Variants in SHC2 observed in about 807,000 individuals in gnomAD.
SHC2 encodes SHC adaptor protein 2, also known as SHC-transforming protein 2.
A neutral mutation model predicts 60.6 loss-of-function variants in SHC2; 62 were observed. The ratio of observed to expected loss-of-function variants is 1.02; its 90% CI spans 0.83 to 1.26. The LOEUF (loss-of-function observed/expected upper bound fraction) is 1.26. Among genes scored for constraint, SHC2 ranks in the 50% most tolerant of loss-of-function variants. The pLI is 0.00. For synonymous variants in SHC2, 375 were observed against 372.4 expected (o/e 1.01, Z -0.08); for missense variants, 873 against 822.2 (o/e 1.06, Z -0.76).
intron 1 of SHC2, 137 bp downstream of exon 1, chr19:460,392 G>T (rs1200190575): frequency 8.7e-6 from 3 of 343,830 alleles, no homozygotes; most frequent in African/African-American, 6.6e-5. Flanking sequence ...GGCCGGGGAT[G>T]GGGGTCCGGG....
chr19:419,304 C>T (rs1033995428), intron 11 of SHC2: 9 of 456,924 alleles, frequency 2.0e-5, no homozygotes, highest in Admixed American at 3.6e-5. Context: ...AAGGTGACCG[C>T]GGGAAGATGC....
intron 1 of SHC2, among the ~76,000 whole-genome samples, chr19:448,595 G>A (rs183201171): frequency 1.0e-3 from 156 of 152,208 alleles, no homozygotes; most frequent in African/African-American, 3.5e-3. Context: ...GGGGAACACC[G>A]TTCGCCCCAG....
rs1282324456 is a variant in SHC2 at position 436,404 on chromosome 19, C to A, written c.802G>T (p.Ala268Ser). The change falls in exon 6 of 13, where the codon GCC (alanine) becomes TCC (serine). Residue 268 changes from alanine to serine, a missense_variant. By Grantham distance (99) the Ala-to-Ser change is moderately conservative. Transcript: ENST00000264554. ...TDMTDYVAYV[A>S]KDPINQRACH... ...CCTCTCTGGTTGATGGGGTCCTTGG[C>A]GACGTAGGCCACGTAATCCGTCATG... 3 of 1,593,358 alleles carry A rather than the reference C, an allele frequency of 1.9e-6. No individual in the cohort carries two copies. Among genetic ancestry groups the A allele is most frequent in the African/African-American group, 1.3e-5 (1 of 74,360 alleles).
chr19:431,282 G>A (rs1297594876), intron 8 of SHC2, among the ~76,000 whole-genome samples: 16 of 148,536 alleles, frequency 1.1e-4, no homozygotes, highest in Admixed American at 5.3e-4. Flanking sequence ...GCGCTTCATC[G>A]TGAGTGAGAT....
chr19:424,838 C>T lies in SHC2; in HGVS notation c.1309+259G>A, dbSNP rs924653375. Among the ~76,000 whole-genome samples, 1 of 152,162 alleles carries T rather than the reference C, an allele frequency of 6.6e-6. No individual in the cohort carries two copies. The highest frequency in any genetic ancestry group is 1.5e-5 in the Non-Finnish European group (1 of 68,028). On this transcript the variant is annotated intron_variant, in intron 10 of 12. Transcript: ENST00000264554. This position sits in a 1 kb window ranked among gnomAD's most constrained non-coding sequence, Gnocchi z 4.5. Reference sequence around the variant, plus strand: ...ACCCATTACACTGCTCGGCCGCATTCGCTAGAGAGAATGGGCCTCCCCTGT... The same window carrying T: ...ACCCATTACACTGCTCGGCCGCATTTGCTAGAGAGAATGGGCCTCCCCTGT...
chr19:448,999 AAAATAC>A (rs1317133993), intron 1 of SHC2, among the ~76,000 whole-genome samples: 2 of 137,292 alleles, frequency 1.5e-5, no homozygotes, highest in African/African-American at 7.2e-5. Flanking sequence ...CAAAAAAAAA[AAAATAC>A]AAAAATACAA....
Position 425,274 on chromosome 19 carries a change from G to A in SHC2, c.1175-43C>T, listed in dbSNP as rs550170157. 13 of 1,307,080 alleles carry A rather than the reference G, an allele frequency of 9.9e-6. No homozygotes were observed. The highest frequency in any genetic ancestry group is 9.0e-5 in the African/African-American group (6 of 66,360). 81.0% of individuals were successfully genotyped at this position (1,307,080 alleles called of 1,614,324 possible). A position where few individuals can be genotyped will look rare whatever the true frequency, so the allele number is the denominator to read the frequency against. On this transcript the variant is annotated intron_variant, in intron 9 of 12. Coordinates refer to ENST00000264554, the MANE Select transcript of SHC2 (RefSeq NM_012435.3). This position sits in a 1 kb window ranked among gnomAD's most constrained non-coding sequence, Gnocchi z 4.1. ...GGGCAGGGGGTCAGCTGGGAGCCAG[G>A]CGAGGGGCTCGCAGGGAGCAAGGCG... is the stretch of plus-strand genomic sequence containing the variant.
Position 424,982 on chromosome 19 carries a change from G to A in SHC2, c.1309+115C>T. 1.7e-6 allele frequency: 2 copies of A among 1,149,132 alleles called. No homozygotes were observed. The highest frequency in any genetic ancestry group is 3.4e-5 in the South Asian group (1 of 29,210). 71.2% of individuals were successfully genotyped at this position (1,149,132 alleles called of 1,614,324 possible). On this transcript the variant is annotated intron_variant, in intron 10 of 12. Transcript: ENST00000264554. The surrounding 1 kb of genome is among the most constrained non-coding windows in gnomAD (Gnocchi z 4.5). ...ACTTGAAGGATCTCACGGGGAGAAG[G>A]GAGCCTCCCCCATCAGACCAGGGAA...
chr19:454,258 G>A (rs750696583), intron 1 of SHC2, among the ~76,000 whole-genome samples: 14 of 152,312 alleles, frequency 9.2e-5, no homozygotes, highest in Middle Eastern at 3.4e-3. Context: ...AGACACGGAC[G>A]GTTCTGCTGG....
chr19:425,176 C>T lies in SHC2; in HGVS notation c.1230G>A (p.Glu410=). The T allele has an allele frequency of 7.4e-7, 1 of 1,355,500 alleles. No individual in the cohort carries two copies. Among genetic ancestry groups the T allele is most frequent in the Non-Finnish European group, 9.6e-7 (1 of 1,044,914 alleles). The allele number at this position is 1,355,500 out of a possible 1,614,324, so 84.0% of individuals were successfully genotyped here. A position where few individuals can be genotyped will look rare whatever the true frequency, so the allele number is the denominator to read the frequency against. The part of the protein sequence containing the change: ...QADARGPPDH[E]EHLYVNTQGL... Reference sequence around the variant, plus strand: ...CCTGGGTGTTGACATACAGGTGCTCCTCGTGGTCCGGGGGGCCCCGGGCGT... The same window carrying T: ...CCTGGGTGTTGACATACAGGTGCTCTTCGTGGTCCGGGGGGCCCCGGGCGT... The change falls in exon 10 of 13, where the codon GAG becomes GAA. Residue 410 remains glutamate, a synonymous_variant. Coordinates refer to ENST00000264554, the MANE Select transcript of SHC2 (RefSeq NM_012435.3). This position sits in a 1 kb window ranked among gnomAD's most constrained non-coding sequence, Gnocchi z 4.1.
chr19:422,809 T>G lies in SHC2; in HGVS notation c.1310-353A>C. ...CGCCTCTCGTTTCCTTGTCTGGTCTTACTGCATTGGCCGCGGGGCCTCCAA... is the reference window on the plus strand; with the variant it reads ...CGCCTCTCGTTTCCTTGTCTGGTCTGACTGCATTGGCCGCGGGGCCTCCAA... On this transcript the variant is annotated intron_variant, in intron 10 of 12. Transcript: ENST00000264554. This position sits in a 1 kb window ranked among gnomAD's most constrained non-coding sequence, Gnocchi z 5.0. The G allele has an allele frequency of 4.8e-6, 1 of 210,196 alleles. No individual in the cohort carries two copies. The highest frequency in any genetic ancestry group is 9.4e-6 in the Non-Finnish European group (1 of 105,982). The allele number at this position is 210,196 out of a possible 1,614,324, so 13.0% of individuals were successfully genotyped here. A position where few individuals can be genotyped will look rare whatever the true frequency, so the allele number is the denominator to read the frequency against.
chr19:457,858 GC>G (rs1302998781), intron 1 of SHC2, among the ~76,000 whole-genome samples: 1 of 152,276 alleles, frequency 6.6e-6, no homozygotes, highest in Non-Finnish European at 1.5e-5. Context: ...AGGACAAACC[GC>G]CGGGAGACGG....
chr19:430,371 G>T (rs192641315), intron 9 of SHC2, among the ~76,000 whole-genome samples: 1 of 150,560 alleles, frequency 6.6e-6, no homozygotes, highest in South Asian at 2.1e-4. Flanking sequence ...TGTGGAAGAC[G>T]CAGTACCTAT....
Position 422,881 on chromosome 19 carries a change from CT to C in SHC2, c.1310-426del. The C allele has an allele frequency of 6.0e-6, 1 of 166,814 alleles. No homozygotes were observed. 10.3% of individuals were successfully genotyped at this position (166,814 alleles called of 1,614,324 possible). On this transcript the variant is annotated intron_variant, in intron 10 of 12. Coordinates refer to ENST00000264554, the MANE Select transcript of SHC2 (RefSeq NM_012435.3). This position sits in a 1 kb window ranked among gnomAD's most constrained non-coding sequence, Gnocchi z 5.0. ...GACAGCCGGCACCCCTCTCTTGCCC[CT>C]AGCGTTAAAATGTTCTGCCCTGGGT...
chr19:438,833 G>A lies in SHC2; in HGVS notation c.605C>T (p.Pro202Leu), dbSNP rs371491264. 7.7e-6 allele frequency: 12 copies of A among 1,566,402 alleles called. No individual in the cohort carries two copies. In the African/African-American group the frequency reaches 1.6e-4, roughly 21 times the overall value. Reference sequence around the variant, plus strand: ...CAGGACGGACGCCAGGGCCTTGTTGGGGGCCTGAGTTGGGGGCGGAGCACA... The same window carrying A: ...CAGGACGGACGCCAGGGCCTTGTTGAGGGCCTGAGTTGGGGGCGGAGCACA... ...GVRGSWKKKA[P>L]NKALASVLGK... The change falls in exon 4 of 13, where the codon CCC becomes CTC. Residue 202 changes from proline to leucine, a missense_variant. Physicochemically the swap from Pro to Leu is moderately conservative, Grantham distance 98. Coordinates refer to ENST00000264554, the MANE Select transcript of SHC2 (RefSeq NM_012435.3). The surrounding 1 kb of genome is among the most constrained non-coding windows in gnomAD (Gnocchi z 5.0).
At chr19:429,604 G>C (rs866312145) in intron 9 of SHC2, among the ~76,000 whole-genome samples, 219 of 94,962 alleles carry the variant, frequency 2.3e-3, no homozygotes, top group Middle Eastern at 9.3e-3. Context: ...CCAACATGCA[G>C]AGAAACCTAA....
rs995228000 is a variant in SHC2, at chr19:424,093, C to T, written c.1309+1004G>A. On this transcript the variant is annotated intron_variant, in intron 10 of 12. Transcript: ENST00000264554. This position sits in a 1 kb window ranked among gnomAD's most constrained non-coding sequence, Gnocchi z 4.5. The stretch of plus-strand genomic sequence containing the variant: ...AGAAATTTGCAGTTAGCTTGGGAGG[C>T]ATCCTGAGCTCAGGCAAGGACCCTA... Among the ~76,000 whole-genome samples the T allele has an allele frequency of 1.3e-5, 2 of 152,180 alleles. No homozygotes were observed. The highest frequency in any genetic ancestry group is 4.8e-5 in the African/African-American group (2 of 41,450).
chr19:434,557 T>G, intron 8 of SHC2, among the ~76,000 whole-genome samples, 152 bp downstream of exon 8: 1 of 84,120 alleles, frequency 1.2e-5, no homozygotes, highest in Admixed American at 1.3e-4. Context: ...TGTGAGTAAG[T>G]GAAATCATGA....
intron 9 of SHC2, among the ~76,000 whole-genome samples, chr19:428,156 T>C (rs1160865592): frequency 1.3e-5 from 2 of 152,004 alleles, no homozygotes; most frequent in East Asian, 3.9e-4. Flanking sequence ...GCCTGAGAGG[T>C]GGAGGCTTCC....
Sources: allele counts gnomAD v4.1 joint callset (sites outside exome capture counted in the v4.1 genomes callset), GRCh38; gene constraint gnomAD v4.1.1; non-coding constraint Gnocchi (gnomAD v3.1); transcripts MANE v1.5; gene names NCBI Gene and HGNC (gene_info 2026-07-23, HGNC 2026-07-21).